VPS13D: variants seen among roughly 807,000 people sequenced by gnomAD.
VPS13D encodes the protein intermembrane lipid transfer protein VPS13D.
Under a neutral mutation model 461.9 loss-of-function variants are expected in VPS13D, and 187 were observed. The observed-to-expected ratio is 0.40, with a 90% CI of 0.36 to 0.46. The LOEUF is 0.46. Ranked by LOEUF, VPS13D falls within the 20% of genes least tolerant of loss-of-function variation. The pLI, the probability that VPS13D is intolerant of heterozygous loss-of-function variation, is 0.60. For missense variants in VPS13D, 4,711 were observed against 5,364.9 expected (o/e 0.88, Z 3.81); for synonymous variants, 1,951 against 1,986.3 (o/e 0.98, Z 0.47).
chr1:12,411,324 A>T (rs1267589750), intron 63 of VPS13D, among the ~76,000 whole-genome samples: 1 of 152,136 alleles, frequency 6.6e-6, no homozygotes, highest in Non-Finnish European at 1.5e-5. Context: ...AGAGAAAAGA[A>T]AAATTTGGAG....
At chr1:12,283,779 A>G in intron 21 of VPS13D, 43 bp downstream of exon 21, 1 of 1,539,552 alleles carries the variant, frequency 6.5e-7, no homozygotes. Context: ...CTAAAAATGG[A>G]TTTGGGCTTG....
intron 67 of VPS13D, among the ~76,000 whole-genome samples, chr1:12,471,439 C>G (rs193105401): frequency 6.2e-4 from 94 of 152,338 alleles, no homozygotes; most frequent in African/African-American, 2.1e-3. Context: ...TTCTAAATGT[C>G]TAAAACCAAA....
chr1:12,442,234 TTA>T (rs1197558796), intron 65 of VPS13D, among the ~76,000 whole-genome samples: 2 of 152,318 alleles, frequency 1.3e-5, no homozygotes, highest in South Asian at 2.1e-4. Flanking sequence ...ATTTAACTCA[TTA>T]TGTTTCAAAT....
At chr1:12,286,117 G>T (rs1359055779) in intron 21 of VPS13D, among the ~76,000 whole-genome samples, 1 of 147,748 alleles carries the variant, frequency 6.8e-6, no homozygotes, top group Admixed American at 6.8e-5. Flanking sequence ...TTGCTCTGTT[G>T]CCCAGGCTGG....
At chr1:12,393,790 G>A (rs1644460013) in intron 60 of VPS13D, among the ~76,000 whole-genome samples, 1 of 152,124 alleles carries the variant, frequency 6.6e-6, no homozygotes, top group Non-Finnish European at 1.5e-5. Flanking sequence ...CCAATGTGGG[G>A]GTTCTGCCAG....
chr1:12,399,307 C>T (rs553809181), intron 60 of VPS13D, among the ~76,000 whole-genome samples: 1 of 151,740 alleles, frequency 6.6e-6, no homozygotes, highest in African/African-American at 2.4e-5. Flanking sequence ...AGTGATTCTC[C>T]TGCCTCAGCC....
intron 40 of VPS13D, among the ~76,000 whole-genome samples, chr1:12,341,162 A>G (rs534607400): frequency 5.3e-5 from 8 of 152,312 alleles, no homozygotes; most frequent in East Asian, 1.9e-4. Context: ...TATGGCTTCC[A>G]TGGTACCCAC....
Position 12,412,541 on chromosome 1 carries a change from C to T in VPS13D, c.12031-2546C>T, listed in dbSNP as rs552659093. Among the ~76,000 whole-genome samples the T allele has an allele frequency of 4.6e-5, 7 of 152,268 alleles. No individual in the cohort carries two copies. The South Asian group carries it at 8.3e-4, about 18-fold the overall frequency. ...TTTTGACAGCATTTATGCCATACTG[C>T]GGTAGTGGAACGGATGACCTTTTCA... is the stretch of plus-strand genomic sequence containing the variant. On this transcript the variant is annotated intron_variant, in intron 63 of 69. Coordinates refer to ENST00000620676, the MANE Select transcript of VPS13D (RefSeq NM_015378.4).
Position 12,400,339 on chromosome 1 carries a change from G to A in VPS13D, c.11784+9G>A, listed in dbSNP as rs1210795758. On this transcript the variant is annotated intron_variant, in intron 61 of 69. Coordinates refer to ENST00000620676, the MANE Select transcript of VPS13D (RefSeq NM_015378.4). Reference sequence around the variant, plus strand: ...TGACCAACATCTACAAGGTGGGCTGGTGGAGGAGGCTGGTGGGTTGATGCC... The same window carrying A: ...TGACCAACATCTACAAGGTGGGCTGATGGAGGAGGCTGGTGGGTTGATGCC... The A allele has an allele frequency of 6.2e-7, 1 of 1,613,818 alleles. No individual in the cohort carries two copies. The highest frequency in any genetic ancestry group is 8.5e-7 in the Non-Finnish European group (1 of 1,179,858).
rs762761596 is a variant in VPS13D at position 12,363,146 on chromosome 1, C to T, written c.10347C>T (p.Asp3449=). The part of the protein sequence containing the change: ...SSVVFHWPRN[D]YDQLLCVRLM... ...TGGTGTTCCACTGGCCTCGGAATGA[C>T]TATGATCAGCTATTGTGTGTCAGAC... Residue 3449 remains aspartate (D), a synonymous_variant, in exon 52 of 70, where the codon GAC becomes GAT. Coordinates refer to ENST00000620676, the MANE Select transcript of VPS13D (RefSeq NM_015378.4). The T allele has an allele frequency of 6.2e-7, 1 of 1,614,214 alleles. No individual in the cohort carries two copies. Among genetic ancestry groups the T allele is most frequent in the Admixed American group, 1.7e-5 (1 of 60,032 alleles).
chr1:12,363,951 CAAAAAAAAAAAA>C (rs70987247), intron 52 of VPS13D, among the ~76,000 whole-genome samples: 36 of 44,614 alleles, frequency 8.1e-4, no homozygotes, highest in African/African-American at 3.3e-3. Flanking sequence ...GACTCTATCT[CAAAAAAAAAAAA>C]AAAAAAAAAA....
chr1:12,511,463 C>T lies in VPS13D; in HGVS notation c.*2439C>T, dbSNP rs1175641287. 1 of 152,266 alleles carries T rather than the reference C, an allele frequency of 6.6e-6. No individual in the cohort carries two copies. The highest frequency in any genetic ancestry group is 2.4e-5 in the African/African-American group (1 of 41,458). 9.4% of individuals were successfully genotyped at this position (152,266 alleles called of 1,614,324 possible). A position where few individuals can be genotyped will look rare whatever the true frequency, so the allele number is the denominator to read the frequency against. On this transcript the variant is annotated 3_prime_UTR_variant, in exon 70 of 70. Coordinates refer to ENST00000620676, the MANE Select transcript of VPS13D (RefSeq NM_015378.4). This position sits in a 1 kb window ranked among gnomAD's most constrained non-coding sequence, Gnocchi z 4.5. ...GCTTTGGAGGAAACAGGCCCTGCCC[C>T]TGGCTCCTTAAATGCCCCGTCTCTT... is the stretch of plus-strand genomic sequence containing the variant.
intron 38 of VPS13D, 135 bp from the exon 39 acceptor site, chr1:12,335,570 C>CT (rs1643430644): frequency 1.7e-6 from 2 of 1,151,846 alleles, no homozygotes; most frequent in Non-Finnish European, 1.2e-6. Flanking sequence ...AGGGCATAGA[C>CT]TTTCTCGGAA....
At position 12,318,298 on chromosome 1, in the gene VPS13D, T is replaced by C. The variant is rs1642943255; in HGVS notation, c.7375T>C (p.Ser2459Pro). The C allele has an allele frequency of 6.2e-7, 1 of 1,612,698 alleles. No homozygotes were observed. The highest frequency in any genetic ancestry group is 2.2e-5 in the East Asian group (1 of 44,862). The change falls in exon 31 of 70, where the codon TCC becomes CCC. Residue 2459 changes from serine to proline, a missense_variant. By Grantham distance (74) the Ser-to-Pro change is moderately conservative. This residue lies in a region of VPS13D where 4,411 missense variants were observed against 4,937.8 expected (regional missense o/e 0.89). Coordinates refer to ENST00000620676, the MANE Select transcript of VPS13D (RefSeq NM_015378.4). The part of the protein sequence containing the change: ...VVTKRSSLPV[S>P]NERHLEVKVN... ...TACCAAGCGGTCTTCCCTTCCTGTG[T>C]CCAATGAAAGGCACCTGGAGGTCAA...
In VPS13D at chr1:12,267,898, A is replaced by G; in HGVS notation, c.1779A>G (p.Ala593=). The G allele has an allele frequency of 1.2e-6, 2 of 1,614,100 alleles. No homozygotes were observed. Among genetic ancestry groups the G allele is most frequent in the Non-Finnish European group, 1.7e-6 (2 of 1,179,966 alleles). The part of the protein sequence containing the change: ...SQSFGLQTTS[A]DRSDHYPAAD... ...CTTTTGGTCTACAAACTACATCTGC[A>G]GACAGAAGTGATCATTACCCAGGTA... The change falls in exon 15 of 70, where the codon GCA becomes GCG. Residue 593 remains alanine, a synonymous_variant. Transcript: ENST00000620676.
intron 29 of VPS13D, 25 bp downstream of exon 29, chr1:12,311,950 A>G (rs760387188): frequency 4.1e-5 from 65 of 1,568,412 alleles, no homozygotes; most frequent in Admixed American, 5.1e-5. Flanking sequence ...ATATTATTAT[A>G]CTGTTAGTAA....
chr1:12,369,131 C>T (rs1162645640), intron 53 of VPS13D, among the ~76,000 whole-genome samples: 3 of 151,960 alleles, frequency 2.0e-5, no homozygotes, highest in African/African-American at 4.8e-5. Context: ...AGAAAGATGC[C>T]ATTGGAAGGA....
intron 41 of VPS13D, 69 bp downstream of exon 41, chr1:12,341,954 A>G (rs1475308458): frequency 5.5e-6 from 8 of 1,459,658 alleles, no homozygotes; most frequent in Non-Finnish European, 7.6e-6. Flanking sequence ...AGCCCAGTAG[A>G]GCAAGGTGGG....
intron 7 of VPS13D, 56 bp downstream of exon 7, chr1:12,253,882 G>A: frequency 7.1e-7 from 1 of 1,412,680 alleles, no homozygotes; most frequent in Non-Finnish European, 1.0e-6. Flanking sequence ...AAGCGGCGTA[G>A]GGTCACTGCC....
Sources: allele counts gnomAD v4.1 joint callset (sites outside exome capture counted in the v4.1 genomes callset), GRCh38; gene constraint gnomAD v4.1.1; regional missense constraint gnomAD v4.1.1; non-coding constraint Gnocchi (gnomAD v3.1); transcripts MANE v1.5; gene names NCBI Gene and HGNC (gene_info 2026-07-23, HGNC 2026-07-21).